Variants in ITGAE observed in about 807,000 individuals in gnomAD.
The protein encoded by ITGAE is integrin alpha-E.
Under a neutral mutation model 136.5 loss-of-function variants are expected in ITGAE, and 99 were observed. The ratio of observed to expected loss-of-function variants is 0.73; its 90% CI spans 0.62 to 0.86. ITGAE has a LOEUF of 0.86. Ranked by LOEUF, ITGAE falls within the 40% of genes least tolerant of loss-of-function variation. The pLI, the probability that ITGAE is intolerant of heterozygous loss-of-function variation, is 0.00. For missense variants in ITGAE, 1,447 were observed against 1,515.3 expected, an observed-to-expected ratio of 0.95 and a Z score of 0.75; for synonymous variants, 613 against 591.8, an observed-to-expected ratio of 1.04 and a Z score of -0.52.
At position 3,753,764 on chromosome 17, in the gene ITGAE, G is replaced by A. The variant is rs1308094977; in HGVS notation, c.1527+19C>T. On this transcript the variant is annotated intron_variant, in intron 13 of 30. Coordinates refer to ENST00000263087, the MANE Select transcript of ITGAE (RefSeq NM_002208.5). The stretch of plus-strand genomic sequence containing the variant: ...TTCCCCATCGGTCATAAGGGGTGGA[G>A]GCTTTCCCCAGCAGGTACCTGCTCT... 1.2e-6 allele frequency: 2 copies of A among 1,613,852 alleles called. No homozygotes were observed. Among genetic ancestry groups the A allele is most frequent in the Non-Finnish European group, 1.7e-6 (2 of 1,179,940 alleles).
At position 3,751,951 on chromosome 17, in the gene ITGAE, C is replaced by T. The variant is rs2051881627; in HGVS notation, c.1669-77G>A. 11 of 1,286,990 alleles carry T rather than the reference C, an allele frequency of 8.5e-6. No homozygotes were observed. In the South Asian group the frequency reaches 1.3e-4, roughly 15 times the overall value. 79.7% of individuals were successfully genotyped at this position (1,286,990 alleles called of 1,614,324 possible). ...CTCCATTGCCACCCCGATGCACGCT[C>T]ACTGGGCCGGTGGGTGCCCACTCCA... On this transcript the variant is annotated intron_variant, in intron 14 of 30. Coordinates refer to ENST00000263087, the MANE Select transcript of ITGAE (RefSeq NM_002208.5).
At position 3,724,606 on chromosome 17, in the gene ITGAE, C is replaced by G; in HGVS notation, c.3085-862G>C. ...TCTCTCCCCTGCTCCCAGGAGGAAG[C>G]GACAGGAGGAGCCAAGGACACCAGG... On this transcript the variant is annotated intron_variant, in intron 26 of 30. Transcript: ENST00000263087. 6.2e-7 allele frequency: 1 copy of G among 1,614,208 alleles called. No individual in the cohort carries two copies. Among genetic ancestry groups the G allele is most frequent in the Non-Finnish European group, 8.5e-7 (1 of 1,180,036 alleles).
chr17:3,739,581 C>T (rs986481898), intron 20 of ITGAE, among the ~76,000 whole-genome samples: 3 of 152,276 alleles, frequency 2.0e-5, no homozygotes, highest in South Asian at 2.1e-4. Context: ...GCAGGGCCCT[C>T]GGCGACTGAG....
intron 19 of ITGAE, among the ~76,000 whole-genome samples, chr17:3,740,656 G>A (rs956160256): frequency 1.2e-4 from 18 of 152,366 alleles, no homozygotes; most frequent in Non-Finnish European, 2.2e-4. Context: ...GATTACAGGT[G>A]TGAGCCACCG....
intron 1 of ITGAE, among the ~76,000 whole-genome samples, chr17:3,792,459 G>A (rs1209733799): frequency 8.5e-5 from 13 of 152,102 alleles, no homozygotes; most frequent in South Asian, 2.1e-4. Context: ...TCTCTGCCTC[G>A]CCTGGAATGA....
In ITGAE at chr17:3,753,338, G is replaced by C. The variant is rs750981939; in HGVS notation, c.1620C>G (p.His540Gln). The C allele has an allele frequency of 1.2e-6, 2 of 1,614,138 alleles. No homozygotes were observed. The highest frequency in any genetic ancestry group is 1.7e-6 in the Non-Finnish European group (2 of 1,179,996). ...AGACTCTGCCTTCTTCTCCATGAACGTGGTAAAATGGAGCAGCCACCAGCA... is the reference window on the plus strand; with the variant it reads ...AGACTCTGCCTTCTTCTCCATGAACCTGGTAAAATGGAGCAGCCACCAGCA... ...DFLLVAAPFY[H>Q]VHGEEGRVYV... is the part of the protein sequence containing the mutation. The change falls in exon 14 of 31, where the codon CAC becomes CAG. Residue 540 changes from histidine (H) to glutamine (Q), a missense_variant. By Grantham distance (24) the His-to-Gln change is conservative. Coordinates refer to ENST00000263087, the MANE Select transcript of ITGAE (RefSeq NM_002208.5).
chr17:3,784,126 G>A (rs1196671963), intron 1 of ITGAE, among the ~76,000 whole-genome samples: 2 of 152,044 alleles, frequency 1.3e-5, no homozygotes, highest in Non-Finnish European at 1.5e-5. Context: ...CGGGCGTGGT[G>A]GCGGGCGCCT....
At chr17:3,743,823 C>T (rs181646069) in intron 18 of ITGAE, among the ~76,000 whole-genome samples, 73 of 150,716 alleles carry the variant, frequency 4.8e-4, no homozygotes, top group African/African-American at 1.7e-3. Flanking sequence ...CTACCTCAGC[C>T]GCCCGAGTAG....
chr17:3,725,092 C>T (rs1299532408), intron 26 of ITGAE: 2 of 1,614,218 alleles, frequency 1.2e-6, no homozygotes, highest in African/African-American at 2.7e-5. Flanking sequence ...AAAACCAGGG[C>T]TTCCTTCAGT....
At chr17:3,739,596 CT>C (rs1169386262) in intron 20 of ITGAE, among the ~76,000 whole-genome samples, 1 of 152,196 alleles carries the variant, frequency 6.6e-6, no homozygotes, top group Non-Finnish European at 1.5e-5. Flanking sequence ...ACTGAGTCTG[CT>C]TCCTAATCTA....
chr17:3,761,675 G>A (rs1567541549), intron 4 of ITGAE, among the ~76,000 whole-genome samples, 155 bp from the exon 5 acceptor site: 1 of 152,232 alleles, frequency 6.6e-6, no homozygotes, highest in Non-Finnish European at 1.5e-5. Flanking sequence ...AGGAGTCAGT[G>A]TTGGCATCAA....
intron 1 of ITGAE, among the ~76,000 whole-genome samples, chr17:3,785,553 A>AGGAG (rs2052771959): frequency 6.8e-6 from 1 of 147,788 alleles, no homozygotes; most frequent in African/African-American, 2.6e-5. Context: ...GAAGGAAGGA[A>AGGAG]GGAAAACTAG....
intron 5 of ITGAE, 35 bp downstream of exon 5, chr17:3,761,368 G>A (rs2052163840): frequency 6.3e-7 from 1 of 1,587,988 alleles, no homozygotes. Context: ...GATCTCTTTA[G>A]AGCTATCCAA....
intron 4 of ITGAE, 138 bp from the exon 5 acceptor site, chr17:3,761,658 C>T (rs577111841): frequency 2.2e-5 from 18 of 802,382 alleles, no homozygotes; most frequent in African/African-American, 1.2e-4. Flanking sequence ...CACCCCTCAC[C>T]GGGTGTAGGA....
rs867346286 is a variant in ITGAE at position 3,761,345 on chromosome 17, T to G, written c.433+58A>C. ...TCTGCCGTGAGCTGGTGCCTTTTCT[T>G]GGAGACCAAGGAGATCTCTTTAGAG... On this transcript the variant is annotated intron_variant, in intron 5 of 30. Transcript: ENST00000263087. 108 of 1,552,506 alleles carry G rather than the reference T, an allele frequency of 7.0e-5. No homozygotes were observed. In the Middle Eastern group the frequency reaches 1.2e-3, roughly 17 times the overall value.
At chr17:3,727,413 T>G (rs1273148982) in intron 26 of ITGAE, among the ~76,000 whole-genome samples, 1 of 151,820 alleles carries the variant, frequency 6.6e-6, no homozygotes, top group Non-Finnish European at 1.5e-5. Flanking sequence ...CTTTTTTTTT[T>G]TTTTGAGATG....
chr17:3,738,218 T>C (rs1275748287), intron 20 of ITGAE, among the ~76,000 whole-genome samples: 2 of 139,706 alleles, frequency 1.4e-5, no homozygotes, highest in African/African-American at 5.2e-5. Flanking sequence ...TCACCCAGGC[T>C]GGAGTGCAGT....
chr17:3,757,558 T>C, intron 9 of ITGAE, 148 bp downstream of exon 9: 3 of 899,628 alleles, frequency 3.3e-6, no homozygotes, highest in Non-Finnish European at 5.2e-6. Flanking sequence ...CTCTCTGGGA[T>C]GACAGAGCAT....
Position 3,761,962 on chromosome 17 carries a change from C to T in ITGAE, c.268G>A (p.Gly90Arg). 1 of 1,613,962 alleles carries T rather than the reference C, an allele frequency of 6.2e-7. No individual in the cohort carries two copies. Among genetic ancestry groups the T allele is most frequent in the South Asian group, 1.1e-5 (1 of 91,074 alleles). ...ACAACGGTCACTCCCCGGTGCCTCC[C>T]CTTGGGGATGGGGACATGCTCTGAA... is the stretch of plus-strand genomic sequence containing the variant. ...HPVEHVPIPK[G>R]RHRGVTVVRS... Residue 90 changes from glycine (G) to arginine (R), a missense_variant, in exon 4 of 31, where the codon GGG (glycine) becomes AGG (arginine). Physicochemically the swap from Gly to Arg is moderately radical, Grantham distance 125. Transcript: ENST00000263087.
Sources: allele counts gnomAD v4.1 joint callset (sites outside exome capture counted in the v4.1 genomes callset), GRCh38; gene constraint gnomAD v4.1.1; transcripts MANE v1.5; gene names NCBI Gene and HGNC (gene_info 2026-07-23, HGNC 2026-07-21).